The following GSE1 variants were observed in gnomAD, a reference collection of about 807,000 sequenced individuals.
The protein encoded by GSE1 is genetic suppressor element 1.
Under a neutral mutation model 112.6 loss-of-function variants are expected in GSE1, and 32 were observed. The observed-to-expected ratio is 0.28, with a 90% CI of 0.21 to 0.38. The LOEUF (loss-of-function observed/expected upper bound fraction) is 0.38, where lower values mean the gene tolerates loss of function less well. Among genes scored for constraint, GSE1 ranks in the 10% least tolerant of loss-of-function variants. The pLI is 1.00. For missense variants in GSE1, 2,348 were observed against 1,699.2 expected (o/e 1.38, Z -6.71); for synonymous variants, 1,115 against 735.6 (o/e 1.52, Z -8.35).
chr16:85,332,298 A>G lies in GSE1; in HGVS notation c.2284-25165A>G, dbSNP rs538623447. Among the ~76,000 whole-genome samples, 7 of 152,348 alleles carry G rather than the reference A, an allele frequency of 4.6e-5. No homozygotes were observed. In the East Asian group the frequency reaches 1.3e-3, roughly 29 times the overall value. ...CTGTATGCCTTGGTCTCCCACTTAC[A>G]GACCCAGATGGGTCGAATTCCTCCG... is the stretch of plus-strand genomic sequence containing the variant. On this transcript the variant is annotated intron_variant, in intron 1 of 2. Coordinates refer to the GSE1 transcript ENST00000637419.
intron 3 of GSE1, among the ~76,000 whole-genome samples, 153 bp downstream of exon 3, chr16:85,648,904 G>C (rs932475834): frequency 6.6e-6 from 1 of 152,140 alleles, no homozygotes; most frequent in Non-Finnish European, 1.5e-5. Context: ...TGCAACGTGA[G>C]GGTGACAGCG....
At chr16:85,374,368 G>A (rs1156957104) in intron 2 of GSE1, among the ~76,000 whole-genome samples, 1 of 151,630 alleles carries the variant, frequency 6.6e-6, no homozygotes, top group Non-Finnish European at 1.5e-5. Context: ...GGTGTGCAGT[G>A]TGTGTCATTG....
At chr16:85,670,265 G>A (rs932215572) in intron 14 of GSE1, among the ~76,000 whole-genome samples, 2 of 152,160 alleles carry the variant, frequency 1.3e-5, no homozygotes, top group Non-Finnish European at 2.9e-5. Flanking sequence ...TTGTCTGATT[G>A]TCTTGTCACT....
chr16:85,507,975 C>T (rs2051596176), intron 2 of GSE1, among the ~76,000 whole-genome samples: 1 of 152,158 alleles, frequency 6.6e-6, no homozygotes, highest in South Asian at 2.1e-4. Flanking sequence ...GCCCAGTCCC[C>T]CAGAAGCCCC....
chr16:85,462,106 G>A (rs935482293), intron 2 of GSE1, among the ~76,000 whole-genome samples: 1 of 152,030 alleles, frequency 6.6e-6, no homozygotes, highest in Non-Finnish European at 1.5e-5. Flanking sequence ...TGCTCTGCAG[G>A]GCTGTGGGCA....
intron 1 of GSE1, among the ~76,000 whole-genome samples, chr16:85,328,648 C>T (rs935782778): frequency 7.9e-5 from 12 of 152,260 alleles, no homozygotes; most frequent in Non-Finnish European, 1.6e-4. Context: ...ATGCAGGTCC[C>T]TTTGTGGGCC....
intron 1 of GSE1, among the ~76,000 whole-genome samples, chr16:85,260,183 G>A (rs1907523248): frequency 6.6e-6 from 1 of 152,196 alleles, no homozygotes; most frequent in Admixed American, 6.5e-5. Flanking sequence ...GCAGCCCACT[G>A]CCCTCCCATG....
At chr16:85,346,269 G>C (rs940640765) in intron 1 of GSE1, among the ~76,000 whole-genome samples, 6 of 151,532 alleles carry the variant, frequency 4.0e-5, no homozygotes, top group Middle Eastern at 3.4e-3. Context: ...ATGGATGGGT[G>C]GATAGATGAT....
rs1243156473 is a variant in GSE1, at chr16:85,193,545, C to T, written c.2283+21738C>T. ...TGTGACCTCAGCTCACTGCAACCTC[C>T]GCCTCCCGGGTTCAAGCGATTCTCC... On this transcript the variant is annotated intron_variant, in intron 1 of 2. Transcript: ENST00000637419. Among the ~76,000 whole-genome samples the T allele has an allele frequency of 1.3e-5, 2 of 152,088 alleles. 1 individual carries two copies. The highest frequency in any genetic ancestry group is 2.9e-5 in the Non-Finnish European group (2 of 68,020).
intron 2 of GSE1, among the ~76,000 whole-genome samples, chr16:85,526,030 G>C (rs1450314423): frequency 6.6e-6 from 1 of 152,202 alleles, no homozygotes; most frequent in Non-Finnish European, 1.5e-5. Context: ...TCCTGGGACC[G>C]TGCAACTTTC....
intron 1 of GSE1, among the ~76,000 whole-genome samples, chr16:85,306,899 A>G (rs2045694147): frequency 6.6e-6 from 1 of 152,234 alleles, no homozygotes; most frequent in South Asian, 2.1e-4. Context: ...GCGGGAGCAT[A>G]CAGGCCTGGG....
intron 1 of GSE1, among the ~76,000 whole-genome samples, chr16:85,266,047 G>C (rs995301461): frequency 5.8e-4 from 88 of 152,312 alleles, no homozygotes; most frequent in African/African-American, 2.1e-3. Flanking sequence ...GCGGCGCTGG[G>C]CTCTGGAGTG....
intron 2 of GSE1, among the ~76,000 whole-genome samples, chr16:85,423,275 G>A (rs1347473694): frequency 6.6e-6 from 1 of 152,258 alleles, no homozygotes; most frequent in Non-Finnish European, 1.5e-5. Context: ...TCCTCCCTGA[G>A]TGGCAAGGCC....
intron 2 of GSE1, among the ~76,000 whole-genome samples, chr16:85,492,124 G>C (rs977840043): frequency 1.3e-5 from 2 of 152,360 alleles, no homozygotes; most frequent in African/African-American, 4.8e-5. Context: ...GACAGGCTTG[G>C]CCGGAGCCTC....
intron 2 of GSE1, among the ~76,000 whole-genome samples, chr16:85,470,757 C>G (rs1567513482): frequency 6.6e-6 from 1 of 152,218 alleles, no homozygotes; most frequent in African/African-American, 2.4e-5. Flanking sequence ...TCCCTTACCC[C>G]CACAGCTGCT....
At chr16:85,431,619 C>G (rs879708377) in intron 2 of GSE1, among the ~76,000 whole-genome samples, 3 of 152,148 alleles carry the variant, frequency 2.0e-5, no homozygotes, top group Non-Finnish European at 4.4e-5. Flanking sequence ...CCGTGCTCCC[C>G]GAGACACTTG....
intron 2 of GSE1, among the ~76,000 whole-genome samples, chr16:85,480,892 C>G (rs2050656768): frequency 6.6e-6 from 1 of 152,202 alleles, no homozygotes; most frequent in Non-Finnish European, 1.5e-5. Context: ...TCCGGAGCAG[C>G]TGGGCTCCAC....
intron 1 of GSE1, among the ~76,000 whole-genome samples, chr16:85,349,361 C>A (rs1326109776): frequency 6.6e-6 from 1 of 152,190 alleles, no homozygotes; most frequent in Non-Finnish European, 1.5e-5. Context: ...AACAAGAAAT[C>A]CCATCAGGGC....
intron 1 of GSE1, among the ~76,000 whole-genome samples, chr16:85,316,788 G>C: frequency 6.6e-6 from 1 of 152,352 alleles, no homozygotes; most frequent in South Asian, 2.1e-4. Context: ...CTTGGGAGCA[G>C]ACGTCTCCCT....
Sources: allele counts gnomAD v4.1 joint callset (sites outside exome capture counted in the v4.1 genomes callset), GRCh38; gene constraint gnomAD v4.1.1; transcripts MANE v1.5; gene names NCBI Gene and HGNC (gene_info 2026-07-23, HGNC 2026-07-21).